PDE4D: variants seen among roughly 807,000 people sequenced by gnomAD.
PDE4D encodes the protein 3',5'-cyclic-AMP phosphodiesterase 4D.
In PDE4D, 24 loss-of-function variants were observed where a neutral mutation model predicts 87.4. The ratio of observed to expected loss-of-function variants is 0.27; its 90% CI spans 0.20 to 0.39. The LOEUF is 0.39. Among genes scored for constraint, PDE4D ranks in the 10% least tolerant of loss-of-function variants. The pLI, the probability that PDE4D is intolerant of heterozygous loss-of-function variation, is 1.00. For missense variants in PDE4D, 714 were observed against 1,041.0 expected (o/e 0.69, Z 4.32); for synonymous variants, 384 against 383.2 (o/e 1.00, Z -0.02).
At chr5:59,115,131 T>C (rs1055144063) in intron 5 of PDE4D, among the ~76,000 whole-genome samples, 2 of 151,976 alleles carry the variant, frequency 1.3e-5, no homozygotes, top group Non-Finnish European at 2.9e-5. Flanking sequence ...GGGATTAAAT[T>C]TGGGGGTAGT....
intron 1 of PDE4D, among the ~76,000 whole-genome samples, chr5:60,468,766 T>C (rs1260042604): frequency 6.6e-6 from 1 of 151,620 alleles, no homozygotes; most frequent in Non-Finnish European, 1.5e-5. Flanking sequence ...ACTCAAGCAA[T>C]CCTCCTACTT....
intron 1 of PDE4D, among the ~76,000 whole-genome samples, chr5:59,691,043 A>T (rs1313206207): frequency 6.6e-6 from 1 of 152,224 alleles, no homozygotes; most frequent in Non-Finnish European, 1.5e-5. Flanking sequence ...ACCAGTTAAA[A>T]TGGCAATCAT....
At chr5:59,195,469 C>T (rs745957543) in intron 2 of PDE4D, among the ~76,000 whole-genome samples, 3 of 152,102 alleles carry the variant, frequency 2.0e-5, no homozygotes, top group South Asian at 4.1e-4. Context: ...ACGAGAAGCT[C>T]GGTGATTCTA....
intron 1 of PDE4D, among the ~76,000 whole-genome samples, chr5:60,485,966 T>C (rs1195944721): frequency 6.6e-6 from 1 of 152,240 alleles, no homozygotes; most frequent in African/African-American, 2.4e-5. Flanking sequence ...AGGCAGCTGA[T>C]TAATGTTTGA....
At chr5:60,380,572 G>T (rs1761781377) in intron 1 of PDE4D, among the ~76,000 whole-genome samples, 1 of 152,212 alleles carries the variant, frequency 6.6e-6, no homozygotes. Context: ...GAGCAGAGCT[G>T]CAGTCAACTC....
At chr5:59,149,706 G>GATTTT (rs368628423) in intron 5 of PDE4D, among the ~76,000 whole-genome samples, 1 of 69,262 alleles carries the variant, frequency 1.4e-5, no homozygotes, top group Non-Finnish European at 2.6e-5. Flanking sequence ...CTCTCCTCGA[G>GATTTT]TTTTTTTTTT....
chr5:59,533,951 G>A (rs1876209), intron 1 of PDE4D, among the ~76,000 whole-genome samples: 33,932 of 151,982 alleles, frequency 0.22, 4,619 homozygotes, highest in East Asian at 0.39. Context: ...AAAATCATGT[G>A]GGCAGAGTAT....
chr5:60,188,777 G>T (rs959818330), intron 1 of PDE4D, among the ~76,000 whole-genome samples: 2 of 152,178 alleles, frequency 1.3e-5, no homozygotes, highest in Non-Finnish European at 2.9e-5. Context: ...CAGCAGCAAC[G>T]AATGAAGTAA....
chr5:60,137,288 T>A (rs1364078244), intron 2 of PDE4D, among the ~76,000 whole-genome samples: 2 of 152,242 alleles, frequency 1.3e-5, no homozygotes, highest in Admixed American at 6.5e-5. Flanking sequence ...TATGACAGAA[T>A]GATTTATATT....
chr5:59,667,372 T>C (rs1490250439), intron 1 of PDE4D, among the ~76,000 whole-genome samples: 1 of 152,056 alleles, frequency 6.6e-6, no homozygotes. Flanking sequence ...AATGCAGTGG[T>C]GGGATCATGG....
At chr5:59,175,767 C>A (rs1167727248) in intron 5 of PDE4D, among the ~76,000 whole-genome samples, 4 of 148,834 alleles carry the variant, frequency 2.7e-5, no homozygotes, top group Non-Finnish European at 5.9e-5. Context: ...CATGAGCCAC[C>A]ATGCCCGGCC....
At chr5:59,032,881 C>A (rs909968503) in intron 6 of PDE4D, among the ~76,000 whole-genome samples, 1 of 152,050 alleles carries the variant, frequency 6.6e-6, no homozygotes, top group African/African-American at 2.4e-5. Context: ...AAACTGAGCT[C>A]CAGAGCGGTA....
chr5:60,471,105 G>A (rs901192801), intron 1 of PDE4D, among the ~76,000 whole-genome samples: 3 of 152,142 alleles, frequency 2.0e-5, no homozygotes, highest in African/African-American at 7.2e-5. Context: ...AGGCCAAAAT[G>A]CCAATATTAA....
chr5:60,230,734 A>G lies in PDE4D; in HGVS notation c.-89-45047T>C, dbSNP rs553796369. On this transcript the variant is annotated intron_variant, in intron 1 of 16. Coordinates refer to the PDE4D transcript ENST00000502484. Reference sequence around the variant, plus strand: ...TGCTAGACTAAATGAATATGATGACATAAGTAAAGGTCTCAACCACTATTT... The same window carrying G: ...TGCTAGACTAAATGAATATGATGACGTAAGTAAAGGTCTCAACCACTATTT... 8.5e-5 allele frequency among the ~76,000 whole-genome samples: 13 copies of G among 152,250 alleles called. No individual in the cohort carries two copies. In the South Asian group the frequency reaches 1.4e-3, roughly 17 times the overall value.
At chr5:59,745,578 C>A (rs1458733246) in intron 1 of PDE4D, among the ~76,000 whole-genome samples, 1 of 152,060 alleles carries the variant, frequency 6.6e-6, no homozygotes. Flanking sequence ...CAAAAGCAAG[C>A]CCACGTCTTG....
At chr5:59,595,263 A>T (rs962498487) in intron 1 of PDE4D, among the ~76,000 whole-genome samples, 5 of 152,218 alleles carry the variant, frequency 3.3e-5, no homozygotes, top group Non-Finnish European at 7.3e-5. Flanking sequence ...GAAACTTATC[A>T]CATAGTTTCA....
intron 3 of PDE4D, among the ~76,000 whole-genome samples, chr5:59,967,064 A>T (rs551387373): frequency 6.6e-6 from 1 of 152,282 alleles, no homozygotes; most frequent in East Asian, 1.9e-4. Context: ...GTTTTCTCAG[A>T]ATCTCAAATG....
intron 1 of PDE4D, among the ~76,000 whole-genome samples, chr5:59,292,464 A>C (rs1768230419): frequency 6.6e-6 from 1 of 152,122 alleles, no homozygotes; most frequent in Non-Finnish European, 1.5e-5. Context: ...TGCTATCAAC[A>C]GTCTGGGAAG....
At chr5:59,318,267 A>G (rs1005085012) in intron 1 of PDE4D, among the ~76,000 whole-genome samples, 1 of 152,192 alleles carries the variant, frequency 6.6e-6, no homozygotes, top group Non-Finnish European at 1.5e-5. Context: ...GTCATACCAG[A>G]GGAAGTTTTA....
Sources: gnomAD v4.1 joint callset for allele counts (sites outside exome capture counted in the v4.1 genomes callset) on GRCh38, gnomAD v4.1.1 for gene constraint, MANE v1.5 for transcripts, NCBI Gene and HGNC (gene_info 2026-07-23, HGNC 2026-07-21) for gene names.